ZBTB16: variants seen among roughly 807,000 people sequenced by gnomAD.
ZBTB16 encodes zinc finger and BTB domain containing 16.
Under a neutral mutation model 56.8 loss-of-function variants are expected in ZBTB16, and 8 were observed. That is an observed-to-expected ratio of 0.14 (90% CI 0.08 to 0.25). The LOEUF is 0.25. ZBTB16 is among the 10% of genes least tolerant of loss of function. The probability of loss-of-function intolerance (pLI) is 1.00; values close to 1 mark genes in which losing one functional copy is unlikely to be tolerated. For missense variants in ZBTB16, 625 were observed against 903.0 expected, an observed-to-expected ratio of 0.69 and a Z score of 3.95; for synonymous variants, 363 against 368.5, an observed-to-expected ratio of 0.98 and a Z score of 0.17.
At chr11:114,112,760 C>CT (rs398017637) in intron 2 of ZBTB16, among the ~76,000 whole-genome samples, 55,573 of 132,734 alleles carry the variant, frequency 0.42, 12,573 homozygotes, top group East Asian at 0.56. Flanking sequence ...AGTTCATTTT[C>CT]TTTTTTTTTT....
intron 2 of ZBTB16, among the ~76,000 whole-genome samples, chr11:114,142,631 C>T (rs535151794): frequency 6.6e-6 from 1 of 152,264 alleles, no homozygotes; most frequent in Admixed American, 6.5e-5. Context: ...CATTTCCTAA[C>T]CATTGTATTC....
At chr11:114,212,794 ATC>A (rs1944021779) in intron 4 of ZBTB16, among the ~76,000 whole-genome samples, 1 of 152,102 alleles carries the variant, frequency 6.6e-6, no homozygotes, top group African/African-American at 2.4e-5. Flanking sequence ...CACCTGGCTT[ATC>A]CCCCCATCCC....
rs142019887 is a variant in ZBTB16 at position 114,233,281 on chromosome 11, G to A, written c.1454-8886G>A. 2.8e-3 allele frequency among the ~76,000 whole-genome samples: 423 copies of A among 152,096 alleles called. 2 individuals carry two copies. The highest frequency in any genetic ancestry group is 9.7e-3 in the African/African-American group (403 of 41,488). On this transcript the variant is annotated intron_variant, in intron 4 of 6. Coordinates refer to ENST00000335953, the MANE Select transcript of ZBTB16 (RefSeq NM_006006.6). ...TGGGAGGTACCAGCGGAGGATATTA[G>A]TCTCTGCTGATGTGCTTGGAAGCAG...
chr11:114,086,702 C>T (rs1939967937), intron 2 of ZBTB16, among the ~76,000 whole-genome samples: 1 of 152,156 alleles, frequency 6.6e-6, no homozygotes, highest in Non-Finnish European at 1.5e-5. Flanking sequence ...AAAAGGAATA[C>T]TTGGGTGCTT....
chr11:114,163,567 C>G (rs11823181), intron 3 of ZBTB16, among the ~76,000 whole-genome samples: 1 of 152,106 alleles, frequency 6.6e-6, no homozygotes, highest in African/African-American at 2.4e-5. Flanking sequence ...CTGGGTCCCC[C>G]GGTCCTAGTC....
At chr11:114,075,884 T>G (rs1939542976) in intron 2 of ZBTB16, among the ~76,000 whole-genome samples, 2 of 152,126 alleles carry the variant, frequency 1.3e-5, no homozygotes, top group South Asian at 4.1e-4. Flanking sequence ...GCTACTTAAG[T>G]TGTTCGTTTT....
intron 2 of ZBTB16, among the ~76,000 whole-genome samples, chr11:114,076,410 GCTTCT>G (rs1329175385): frequency 1.3e-5 from 2 of 152,124 alleles, no homozygotes; most frequent in Non-Finnish European, 2.9e-5. Flanking sequence ...CTCCTCGTGG[GCTTCT>G]CTTCACTTTA....
At chr11:114,167,329 CTG>C (rs1485103246) in intron 3 of ZBTB16, among the ~76,000 whole-genome samples, 1 of 124,106 alleles carries the variant, frequency 8.1e-6, no homozygotes, top group African/African-American at 3.3e-5. Flanking sequence ...CTCTCTCTCT[CTG>C]AGGGTTGGTG....
At chr11:114,201,073 G>A (rs1943726376) in intron 4 of ZBTB16, among the ~76,000 whole-genome samples, 1 of 152,160 alleles carries the variant, frequency 6.6e-6, no homozygotes, top group Non-Finnish European at 1.5e-5. Context: ...ATCGCTTTCT[G>A]CTCCACCATT....
rs1343117708 is a variant in ZBTB16 at position 114,250,411 on chromosome 11, C to T, written c.1878C>T (p.Gly626=). 15 of 1,614,138 alleles carry T rather than the reference C, an allele frequency of 9.3e-6. No homozygotes were observed. Among genetic ancestry groups the T allele is most frequent in the South Asian group, 2.2e-5 (2 of 91,086 alleles). The stretch of plus-strand genomic sequence containing the variant: ...TCAAGCACCTGAGAACGCACAACGG[C>T]GCCTCGCCCTACCAGTGCACCATCT... ...AMIKHLRTHN[G]ASPYQCTICT... Residue 626 remains glycine, a synonymous_variant, in exon 7 of 7, where the codon GGC becomes GGT. Coordinates refer to ENST00000335953, the MANE Select transcript of ZBTB16 (RefSeq NM_006006.6). The surrounding 1 kb of genome is among the most constrained non-coding windows in gnomAD (Gnocchi z 6.0).
At chr11:114,234,131 G>A (rs1355288106) in intron 4 of ZBTB16, among the ~76,000 whole-genome samples, 1 of 152,194 alleles carries the variant, frequency 6.6e-6, no homozygotes, top group Non-Finnish European at 1.5e-5. Context: ...TGTGGAAATG[G>A]AATGTCATAC....
rs1266169178 is a variant in ZBTB16, at chr11:114,187,173, G to C, written c.1453+135G>C. The C allele has an allele frequency of 6.0e-6, 5 of 833,632 alleles. No homozygotes were observed. In the East Asian group the frequency reaches 1.3e-4, roughly 21 times the overall value. The allele number at this position is 833,632 out of a possible 1,614,324, so 51.6% of individuals were successfully genotyped here. ...TTCCTGGGCGAGCTGTGAGTAGGATGGGCTTCTGCCACGTTCAGCTACTCT... is the reference window on the plus strand; with the variant it reads ...TTCCTGGGCGAGCTGTGAGTAGGATCGGCTTCTGCCACGTTCAGCTACTCT... On this transcript the variant is annotated intron_variant, in intron 4 of 6. Coordinates refer to ENST00000335953, the MANE Select transcript of ZBTB16 (RefSeq NM_006006.6).
intron 3 of ZBTB16, among the ~76,000 whole-genome samples, chr11:114,169,703 G>T (rs1942900323): frequency 6.6e-6 from 1 of 152,210 alleles, no homozygotes; most frequent in African/African-American, 2.4e-5. Flanking sequence ...GTTGAGCAAG[G>T]CTGGGTGTGC....
At chr11:114,225,659 C>T (rs946248431) in intron 4 of ZBTB16, among the ~76,000 whole-genome samples, 1 of 152,188 alleles carries the variant, frequency 6.6e-6, no homozygotes, top group African/African-American at 2.4e-5. Context: ...TCCCAAGAGG[C>T]CCCACCTCCC....
intron 2 of ZBTB16, among the ~76,000 whole-genome samples, chr11:114,139,473 T>A (rs1941886100): frequency 6.6e-6 from 1 of 152,190 alleles, no homozygotes; most frequent in South Asian, 2.1e-4. Flanking sequence ...CTTGACGATT[T>A]TCTAAATGAA....
chr11:114,251,513 A>C lies in ZBTB16; in HGVS notation c.*958A>C, dbSNP rs2135221408. On this transcript the variant is annotated 3_prime_UTR_variant, in exon 7 of 7. Coordinates refer to ENST00000335953, the MANE Select transcript of ZBTB16 (RefSeq NM_006006.6). The stretch of plus-strand genomic sequence containing the variant: ...CCCTACTTCAGTCCCAGGAGAAGGA[A>C]TCCATGAATGGGCTGAGGTTCCGAG... Among the ~76,000 whole-genome samples, 1 of 152,342 alleles carries C rather than the reference A, an allele frequency of 6.6e-6. No individual in the cohort carries two copies. The highest frequency in any genetic ancestry group is 6.5e-5 in the Admixed American group (1 of 15,304).
intron 5 of ZBTB16, 120 bp from the exon 6 acceptor site, chr11:114,247,078 G>T: frequency 2.3e-6 from 3 of 1,328,482 alleles, no homozygotes; most frequent in Non-Finnish European, 3.2e-6. Context: ...TCCTTAAGTT[G>T]TCTTTGGAGG....
At chr11:114,123,467 C>T (rs1052583853) in intron 2 of ZBTB16, among the ~76,000 whole-genome samples, 8 of 152,086 alleles carry the variant, frequency 5.3e-5, no homozygotes, top group South Asian at 2.1e-4. Context: ...TATCCATATA[C>T]GAGATGTGTG....
intron 2 of ZBTB16, among the ~76,000 whole-genome samples, chr11:114,075,679 C>G (rs369509650): frequency 6.7e-6 from 1 of 149,358 alleles, no homozygotes; most frequent in Non-Finnish European, 1.5e-5. Context: ...CCATGTTGGC[C>G]AGGCTGGTCT....
Sources: allele counts gnomAD v4.1 joint callset (sites outside exome capture counted in the v4.1 genomes callset), GRCh38; gene constraint gnomAD v4.1.1; non-coding constraint Gnocchi (gnomAD v3.1); transcripts MANE v1.5; gene names NCBI Gene and HGNC (gene_info 2026-07-23, HGNC 2026-07-21).